The following KLRG1 variants were observed in gnomAD, a reference collection of about 807,000 sequenced individuals.
The protein encoded by KLRG1 is killer cell lectin like receptor G1, also known as killer cell lectin-like receptor subfamily G member 1.
KLRG1 carries 16 observed loss-of-function variants against 21.8 expected under a neutral mutation model. The ratio of observed to expected loss-of-function variants is 0.73; its 90% CI spans 0.50 to 1.11. KLRG1 has a LOEUF of 1.11. Ranked by LOEUF, KLRG1 falls within the 50% of genes most tolerant of loss-of-function variation. The pLI is 0.00. For missense variants in KLRG1, 173 were observed against 218.3 expected, an observed-to-expected ratio of 0.79 and a Z score of 1.31; for synonymous variants, 69 against 75.9, an observed-to-expected ratio of 0.91 and a Z score of 0.47.
At chr12:9,161,197 T>C in the KLRG1 span, 5 of 1,185,392 alleles carry the variant, frequency 4.2e-6, no homozygotes, top group Non-Finnish European at 6.0e-6. Flanking sequence ...AGTGAGAGCT[T>C]CAGAGCCACA....
chr12:9,096,005 C>G, the KLRG1 span, among the ~76,000 whole-genome samples: 1 of 151,176 alleles, frequency 6.6e-6, no homozygotes, highest in Admixed American at 6.6e-5. Context: ...ATGATCCACC[C>G]GCCTCGGCCT....
At chr12:9,112,367 T>A in the KLRG1 span, 15 of 1,611,882 alleles carry the variant, frequency 9.3e-6, no homozygotes, top group Non-Finnish European at 1.3e-5. Flanking sequence ...GTCTGTAGGC[T>A]TCTTCATACC....
At position 8,962,505 on chromosome 12, in the gene KLRG1, G is replaced by C. The variant is rs182979843; in HGVS notation, c.-156+12269G>C. Among the ~76,000 whole-genome samples the C allele has an allele frequency of 1.1e-4, 17 of 152,140 alleles. No individual in the cohort carries two copies. The East Asian group carries it at 3.1e-3, about 28-fold the overall frequency. Reference sequence around the variant, plus strand: ...GAGGTGAATGGATCATTTGAGCCCAGGAGTTCAAGATCAGCCTGGGCAACA... The same window carrying C: ...GAGGTGAATGGATCATTTGAGCCCACGAGTTCAAGATCAGCCTGGGCAACA... On this transcript the variant is annotated intron_variant, in intron 1 of 4. Transcript: ENST00000539240.
the KLRG1 span, among the ~76,000 whole-genome samples, chr12:9,073,356 A>G: frequency 8.1e-4 from 123 of 152,346 alleles, no homozygotes; most frequent in African/African-American, 2.8e-3. Flanking sequence ...AGTTTCTCCA[A>G]AAGAAATAAA....
intron 1 of KLRG1, among the ~76,000 whole-genome samples, chr12:8,990,018 T>C (rs1946920790): frequency 6.6e-6 from 1 of 152,174 alleles, no homozygotes; most frequent in Non-Finnish European, 1.5e-5. Flanking sequence ...GGGAACTTTG[T>C]TGGGAGAATT....
chr12:8,981,399 G>A (rs1946752543), intron 1 of KLRG1, among the ~76,000 whole-genome samples: 2 of 151,358 alleles, frequency 1.3e-5, no homozygotes, highest in Non-Finnish European at 2.9e-5. Context: ...TAAAACTACA[G>A]TATTTGCTGT....
the KLRG1 span, among the ~76,000 whole-genome samples, chr12:9,177,698 T>G: frequency 1.3e-5 from 2 of 152,256 alleles, no homozygotes; most frequent in Non-Finnish European, 2.9e-5. Flanking sequence ...GCGACCACGC[T>G]TAAACGTTTC....
At chr12:9,189,573 C>T in the KLRG1 span, among the ~76,000 whole-genome samples, 5 of 152,226 alleles carry the variant, frequency 3.3e-5, no homozygotes, top group Admixed American at 2.6e-4. Flanking sequence ...ATTCTGGACA[C>T]AGGAACTGCA....
the KLRG1 span, chr12:9,200,942 T>G: frequency 2.5e-6 from 4 of 1,614,008 alleles, no homozygotes. Context: ...TGATTCTGTC[T>G]GTACCACCAC....
At chr12:9,060,162 A>T in the KLRG1 span, among the ~76,000 whole-genome samples, 1 of 151,498 alleles carries the variant, frequency 6.6e-6, no homozygotes, top group Non-Finnish European at 1.5e-5. Flanking sequence ...CCGCCACCAC[A>T]TCCGGCTAAT....
chr12:9,182,712 G>A, the KLRG1 span, among the ~76,000 whole-genome samples: 467 of 152,310 alleles, frequency 3.1e-3, 7 homozygotes, highest in African/African-American at 0.011. Context: ...AAAGCAGGGT[G>A]AAGGGCCACC....
the KLRG1 span, chr12:9,202,223 C>G: frequency 6.1e-6 from 7 of 1,156,554 alleles, no homozygotes; most frequent in Admixed American, 1.2e-4. Flanking sequence ...AAACAAGTGT[C>G]TTTCATCCTC....
chr12:9,189,071 C>T, the KLRG1 span, among the ~76,000 whole-genome samples: 3 of 152,090 alleles, frequency 2.0e-5, no homozygotes, highest in East Asian at 5.8e-4. Context: ...GGTCATATTG[C>T]CCAAAGCAAT....
the KLRG1 span, chr12:9,158,318 G>A: frequency 6.8e-7 from 1 of 1,474,452 alleles, no homozygotes. Context: ...ACATCATCCA[G>A]GACTTCATCT....
chr12:9,107,588 T>C, the KLRG1 span: 9 of 1,614,050 alleles, frequency 5.6e-6, no homozygotes, highest in Non-Finnish European at 7.6e-6. Context: ...AGCGTCACTA[T>C]ACTTTCTGCA....
At chr12:9,077,595 T>G in the KLRG1 span, 5 of 1,537,062 alleles carry the variant, frequency 3.3e-6, no homozygotes, top group South Asian at 2.5e-5. Context: ...CCAGGTTTTA[T>G]TTTCCTCTGA....
the KLRG1 span, among the ~76,000 whole-genome samples, chr12:9,197,558 A>G: frequency 4.3e-5 from 5 of 115,582 alleles, no homozygotes; most frequent in African/African-American, 1.7e-4. Flanking sequence ...TTAATAATAT[A>G]TAATGTAATA....
intron 4 of KLRG1, 141 bp downstream of exon 4, chr12:9,009,216 G>T: frequency 1.2e-6 from 1 of 840,972 alleles, no homozygotes. Context: ...AACAAGGAAG[G>T]GAATGAACAA....
At chr12:9,142,726 C>T in the KLRG1 span, among the ~76,000 whole-genome samples, 1 of 151,930 alleles carries the variant, frequency 6.6e-6, no homozygotes, top group Non-Finnish European at 1.5e-5. Context: ...TGGGTGAGGC[C>T]CTTTAAGAAC....
Sources: gnomAD v4.1 joint callset for allele counts (sites outside exome capture counted in the v4.1 genomes callset) on GRCh38, gnomAD v4.1.1 for gene constraint, MANE v1.5 for transcripts, NCBI Gene and HGNC (gene_info 2026-07-23, HGNC 2026-07-21) for gene names.